The following ANO2 variants were observed in gnomAD, a reference collection of about 807,000 sequenced individuals.
ANO2 encodes anoctamin-2.
Under a neutral mutation model 124.2 loss-of-function variants are expected in ANO2, and 101 were observed. The ratio of observed to expected loss-of-function variants is 0.81; its 90% CI spans 0.69 to 0.96. The LOEUF is 0.96. ANO2 is among the 40% of genes least tolerant of loss of function. The pLI is 0.00. For synonymous variants in ANO2, 486 were observed against 482.5 expected (o/e 1.01, Z -0.09); for missense variants, 1,293 against 1,274.5 (o/e 1.01, Z -0.22).
chr12:5,850,828 G>A (rs1447228576), intron 4 of ANO2, among the ~76,000 whole-genome samples: 1 of 152,136 alleles, frequency 6.6e-6, no homozygotes, highest in Non-Finnish European at 1.5e-5. Context: ...AGTTGACTGG[G>A]GGACTAAGAA....
chr12:5,796,433 C>T (rs1228589740), intron 10 of ANO2, among the ~76,000 whole-genome samples: 1 of 151,792 alleles, frequency 6.6e-6, no homozygotes, highest in Non-Finnish European at 1.5e-5. Flanking sequence ...CTTACACTCA[C>T]ACACATGCAC....
chr12:5,921,013 A>AG, intron 3 of ANO2, 27 bp downstream of exon 3: 4 of 1,585,100 alleles, frequency 2.5e-6, no homozygotes, highest in Non-Finnish European at 2.6e-6. Context: ...TTCCATCTCC[A>AG]AGTCCCTGGC....
At chr12:5,929,523 T>C (rs1383161370) in intron 1 of ANO2, among the ~76,000 whole-genome samples, 2 of 87,468 alleles carry the variant, frequency 2.3e-5, no homozygotes, top group Admixed American at 1.2e-4. Context: ...ATTAGTCACT[T>C]TCTTACCAGT....
chr12:5,851,409 T>C (rs181246689), intron 4 of ANO2, among the ~76,000 whole-genome samples: 32 of 152,198 alleles, frequency 2.1e-4, no homozygotes, highest in South Asian at 6.2e-4. Flanking sequence ...GGTGTCTGGC[T>C]GGGTGTGGTG....
intron 16 of ANO2, among the ~76,000 whole-genome samples, chr12:5,620,452 T>C (rs1011131492): frequency 6.6e-6 from 1 of 152,174 alleles, no homozygotes; most frequent in Non-Finnish European, 1.5e-5. Flanking sequence ...GAGACAGCAG[T>C]GTAAATCTAC....
chr12:5,793,890 C>T (rs777072973), intron 10 of ANO2, among the ~76,000 whole-genome samples: 3 of 152,118 alleles, frequency 2.0e-5, no homozygotes, highest in Admixed American at 6.5e-5. Context: ...GCCTTCCCTC[C>T]GAAAGGGTAC....
chr12:5,631,545 T>C (rs1458672389), intron 16 of ANO2, among the ~76,000 whole-genome samples: 2 of 152,034 alleles, frequency 1.3e-5, no homozygotes, highest in South Asian at 2.1e-4. Context: ...TTTCCAGAAC[T>C]GTGCCTGGCA....
chr12:5,626,128 T>G (rs776956953), intron 16 of ANO2, among the ~76,000 whole-genome samples: 21 of 151,818 alleles, frequency 1.4e-4, no homozygotes, highest in Admixed American at 3.3e-4. Flanking sequence ...GGTTGGGGAG[T>G]GCATTTTGGC....
At chr12:5,601,530 G>T (rs1943940981) in intron 19 of ANO2, among the ~76,000 whole-genome samples, 1 of 152,112 alleles carries the variant, frequency 6.6e-6, no homozygotes, top group African/African-American at 2.4e-5. Context: ...AACAGAAGGA[G>T]AAGATGCAGG....
At chr12:5,874,822 C>G (rs756797581) in intron 3 of ANO2, among the ~76,000 whole-genome samples, 22 of 152,228 alleles carry the variant, frequency 1.4e-4, no homozygotes, top group Non-Finnish European at 2.9e-4. Flanking sequence ...GCCGACCCAT[C>G]ATCAAGGACA....
chr12:5,676,732 T>C (rs1049791357), intron 14 of ANO2, among the ~76,000 whole-genome samples: 1 of 152,276 alleles, frequency 6.6e-6, no homozygotes, highest in Non-Finnish European at 1.5e-5. Flanking sequence ...TCTTTACAAC[T>C]GTACTGTAAA....
intron 11 of ANO2, among the ~76,000 whole-genome samples, chr12:5,748,886 A>C (rs1255357138): frequency 2.0e-5 from 3 of 149,504 alleles, no homozygotes; most frequent in Admixed American, 1.3e-4. Flanking sequence ...AAAAAAAAAA[A>C]AACAAAACAA....
intron 19 of ANO2, among the ~76,000 whole-genome samples, chr12:5,601,433 T>C (rs188896297): frequency 6.6e-6 from 1 of 152,166 alleles, no homozygotes; most frequent in Admixed American, 6.5e-5. Context: ...AATTCTGTGA[T>C]AATAAAAAAT....
intron 4 of ANO2, among the ~76,000 whole-genome samples, chr12:5,844,833 TTTTGTGTG>T (rs1222713287): frequency 2.2e-5 from 2 of 89,362 alleles, no homozygotes; most frequent in East Asian, 9.3e-4. Flanking sequence ...TTGAACCAGT[TTTTGTGTG>T]TTTGTTTGTT....
rs1451007637 is a variant in ANO2, at chr12:5,865,736, TTCACACCATCATGCAA to T, written c.535-11611_535-11596del. ...CATCAGGCCATCACACCATTATGCA[TTCACACCATCATGCAA>T]TCACACCATCATGCATTCACACCAT... On this transcript the variant is annotated intron_variant, in intron 3 of 24. Transcript: ENST00000682330. Among the ~76,000 whole-genome samples the T allele has an allele frequency of 3.2e-4, 47 of 147,574 alleles. 2 individuals are homozygous for T. In the South Asian group the frequency reaches 9.3e-3, roughly 29 times the overall value.
intron 3 of ANO2, among the ~76,000 whole-genome samples, chr12:5,903,672 T>TGTGTGTGG (rs1555181046): frequency 2.6e-5 from 4 of 151,778 alleles, no homozygotes; most frequent in Non-Finnish European, 4.4e-5. Flanking sequence ...TGTGTGTGTG[T>TGTGTGTGG]GTGTGGGTGT....
chr12:5,584,139 C>CCACG (rs1555088599), intron 20 of ANO2: 1 of 161,572 alleles, frequency 6.2e-6, no homozygotes, highest in Non-Finnish European at 1.3e-5. Context: ...ACACCCCCCC[C>CCACG]CCGCCGCAAG....
intron 17 of ANO2, among the ~76,000 whole-genome samples, 165 bp from the exon 18 acceptor site, chr12:5,613,123 A>G (rs1007172389): frequency 1.3e-5 from 2 of 152,184 alleles, no homozygotes; most frequent in African/African-American, 4.8e-5. Flanking sequence ...GTTATCAGCA[A>G]GTAATCCCCT....
intron 10 of ANO2, among the ~76,000 whole-genome samples, chr12:5,771,497 C>T (rs1336220198): frequency 2.6e-5 from 4 of 152,136 alleles, no homozygotes; most frequent in African/African-American, 4.8e-5. Context: ...ACAGAATTCT[C>T]GGCTGGGCGC....
Sources: gnomAD v4.1 joint callset for allele counts (sites outside exome capture counted in the v4.1 genomes callset) on GRCh38, gnomAD v4.1.1 for gene constraint, MANE v1.5 for transcripts, NCBI Gene and HGNC (gene_info 2026-07-23, HGNC 2026-07-21) for gene names.